The following SHTN1 variants were observed in gnomAD, a reference collection of about 807,000 sequenced individuals.
The protein encoded by SHTN1 is shootin 1, also known as shootin-1.
In SHTN1, 42 loss-of-function variants were observed where a neutral mutation model predicts 83.1. The observed-to-expected ratio is 0.51, with a 90% confidence interval of 0.39 to 0.65. The LOEUF (loss-of-function observed/expected upper bound fraction) is 0.65. SHTN1 is among the 30% of genes least tolerant of loss of function. The probability of loss-of-function intolerance (pLI) is 0.00; values close to 1 mark genes in which losing one functional copy is unlikely to be tolerated. For missense variants in SHTN1, 622 were observed against 737.8 expected, an observed-to-expected ratio of 0.84 and a Z score of 1.82; for synonymous variants, 224 against 247.7, an observed-to-expected ratio of 0.90 and a Z score of 0.90.
chr10:116,883,280 T>C lies in SHTN1; in HGVS notation c.*3064A>G, dbSNP rs1847074851. Reference sequence around the variant, plus strand: ...TTCTCTCTCTTGTGTTATATAACATTTAATATGAAATATATTTATATAACT... The same window carrying C: ...TTCTCTCTCTTGTGTTATATAACATCTAATATGAAATATATTTATATAACT... On this transcript the variant is annotated 3_prime_UTR_variant, in exon 17 of 17. Coordinates refer to ENST00000355371, the MANE Select transcript of SHTN1 (RefSeq NM_001127211.3). 1 of 152,050 alleles carries C rather than the reference T, an allele frequency of 6.6e-6. No individual in the cohort carries two copies. Among genetic ancestry groups the C allele is most frequent in the Non-Finnish European group, 1.5e-5 (1 of 68,012 alleles). The allele number at this position is 152,050 out of a possible 1,614,324, so 9.4% of individuals were successfully genotyped here.
intron 1 of SHTN1, among the ~76,000 whole-genome samples, chr10:116,996,866 C>A (rs1851644452): frequency 1.3e-5 from 2 of 152,298 alleles, no homozygotes; most frequent in South Asian, 4.1e-4. Context: ...CTTTGCCAAT[C>A]ACTTATCTAC....
In SHTN1 at chr10:116,881,527, AAC is replaced by A. The variant is rs1290822144; in HGVS notation, c.*4815_*4816del. On this transcript the variant is annotated 3_prime_UTR_variant, in exon 17 of 17. Transcript: ENST00000355371. ...TTACTTTAAATAGGTTTCAAAGAAG[AAC>A]ACACTTTTTTTTACTTTAATGAGGA... is the stretch of plus-strand genomic sequence containing the variant. 1.3e-6 allele frequency: 2 copies of A among 1,543,232 alleles called. No homozygotes were observed. The highest frequency in any genetic ancestry group is 1.2e-5 in the South Asian group (1 of 82,798).
At chr10:117,048,442 T>C (rs1852698446) in intron 2 of SHTN1, 4 of 983,330 alleles carry the variant, frequency 4.1e-6, no homozygotes, top group African/African-American at 1.7e-5. Flanking sequence ...TCTTGTTACC[T>C]ACCCCCTTCT....
upstream of SHTN1, chr10:117,005,695 G>T: frequency 2.0e-6 from 1 of 507,810 alleles, no homozygotes; most frequent in Non-Finnish European, 2.5e-6. Flanking sequence ...GCACCTTGAA[G>T]AGGAGACAAG....
chr10:117,117,245 G>C lies in SHTN1; in HGVS notation c.-189+9062C>G, dbSNP rs546427421. Among the ~76,000 whole-genome samples, 4 of 152,138 alleles carry C rather than the reference G, an allele frequency of 2.6e-5. No individual in the cohort carries two copies. In the South Asian group the frequency reaches 8.3e-4, roughly 32 times the overall value. On this transcript the variant is annotated intron_variant, in intron 1 of 17. Transcript: ENST00000392901. ...CAAAATCAACATACAAAAATCAATAGCATTAATATGCACCAACGACGAACA... is the reference window on the plus strand; with the variant it reads ...CAAAATCAACATACAAAAATCAATACCATTAATATGCACCAACGACGAACA...
In SHTN1 at chr10:117,021,770, G is replaced by A. The variant is rs534163249; in HGVS notation, c.-123+26675C>T. ...TACCAAAAACTAGAAAAAGTACAAC[G>A]GTCTATCAACAAATTAATAGATAAA... On this transcript the variant is annotated intron_variant, in intron 2 of 17. Transcript: ENST00000392901. Among the ~76,000 whole-genome samples the A allele has an allele frequency of 7.4e-4, 112 of 152,080 alleles. 2 individuals are homozygous for A. The South Asian group carries it at 0.022, about 30-fold the overall frequency.
chr10:117,017,668 C>T (rs1852200088), intron 2 of SHTN1, among the ~76,000 whole-genome samples: 1 of 152,144 alleles, frequency 6.6e-6, no homozygotes, highest in Non-Finnish European at 1.5e-5. Context: ...TATACCCCCG[C>T]AGGGGTTGGA....
chr10:117,066,804 C>T (rs1853007569), intron 1 of SHTN1, among the ~76,000 whole-genome samples: 1 of 152,120 alleles, frequency 6.6e-6, no homozygotes, highest in Non-Finnish European at 1.5e-5. Flanking sequence ...TGAGCATTTG[C>T]CTCATTTCTG....
At chr10:116,921,298 G>T in intron 12 of SHTN1, 136 bp downstream of exon 12, 1 of 606,902 alleles carries the variant, frequency 1.6e-6, no homozygotes, top group East Asian at 2.9e-5. Context: ...ACGGTTACTG[G>T]TTCATTCTTA....
At chr10:116,940,738 T>C in intron 8 of SHTN1, 126 bp from the exon 9 acceptor site, 1 of 685,982 alleles carries the variant, frequency 1.5e-6, no homozygotes, top group Non-Finnish European at 2.3e-6. Flanking sequence ...CTGACTTCTA[T>C]AAGTTTTAGA....
At chr10:117,029,076 T>G (rs1852369729) in intron 2 of SHTN1, among the ~76,000 whole-genome samples, 1 of 152,162 alleles carries the variant, frequency 6.6e-6, no homozygotes, top group South Asian at 2.1e-4. Flanking sequence ...GGGGCAGAGC[T>G]GCCCAAGGCC....
At chr10:117,120,558 A>G (rs541363675) in intron 1 of SHTN1, among the ~76,000 whole-genome samples, 16 of 151,984 alleles carry the variant, frequency 1.1e-4, no homozygotes, top group Non-Finnish European at 2.2e-4. Flanking sequence ...CCATGATGTG[A>G]TTTTTACATA....
At chr10:117,040,171 A>G (rs1053175939) in intron 2 of SHTN1, among the ~76,000 whole-genome samples, 11 of 152,202 alleles carry the variant, frequency 7.2e-5, no homozygotes, top group African/African-American at 2.7e-4. Flanking sequence ...GTTTTTAGAT[A>G]CTGAAAACCT....
chr10:117,079,864 GC>G (rs1484090687), intron 1 of SHTN1, among the ~76,000 whole-genome samples: 1 of 145,998 alleles, frequency 6.8e-6, no homozygotes, highest in Non-Finnish European at 1.5e-5. Context: ...CATGTCCTTC[GC>G]CCACTTTTTG....
At chr10:116,987,768 A>G (rs1851270644) in intron 1 of SHTN1, among the ~76,000 whole-genome samples, 1 of 152,138 alleles carries the variant, frequency 6.6e-6, no homozygotes, top group South Asian at 2.1e-4. Context: ...AACAAAAATT[A>G]GCCAGGAGTG....
intron 1 of SHTN1, among the ~76,000 whole-genome samples, chr10:117,106,182 C>T (rs1473904539): frequency 1.3e-5 from 2 of 151,800 alleles, no homozygotes; most frequent in South Asian, 2.1e-4. Flanking sequence ...CTGGGCCAGG[C>T]GCCGTGGCTC....
At position 116,986,540 on chromosome 10, in the gene SHTN1, A is replaced by C. The variant is rs141690517; in HGVS notation, c.59-7232T>G. Among the ~76,000 whole-genome samples, 128 of 151,920 alleles carry C rather than the reference A, an allele frequency of 8.4e-4. 1 individual carries two copies. Among genetic ancestry groups the C allele is most frequent in the African/African-American group, 3.1e-3 (127 of 41,424 alleles). On this transcript the variant is annotated intron_variant, in intron 1 of 16. Transcript: ENST00000355371. ...GTTTCACCTCCAGGATCACTACTAG[A>C]TGCTCAAAGTGAAAATTTTCCCTAC...
intron 1 of SHTN1, among the ~76,000 whole-genome samples, chr10:117,055,624 T>C (rs139503624): frequency 3.3e-5 from 5 of 152,342 alleles, no homozygotes; most frequent in Middle Eastern, 3.4e-3. Flanking sequence ...TTCCAGCTAC[T>C]TGGGAAGCTA....
At chr10:116,990,980 A>G (rs1311609427) in intron 1 of SHTN1, among the ~76,000 whole-genome samples, 1 of 151,948 alleles carries the variant, frequency 6.6e-6, no homozygotes, top group Non-Finnish European at 1.5e-5. Context: ...AGGTCAGGAG[A>G]TCGAGACCAT....
Sources: gnomAD v4.1 joint callset for allele counts (sites outside exome capture counted in the v4.1 genomes callset) on GRCh38, gnomAD v4.1.1 for gene constraint, MANE v1.5 for transcripts, NCBI Gene and HGNC (gene_info 2026-07-23, HGNC 2026-07-21) for gene names.